The following AKR1C3 variants were observed in gnomAD, a reference collection of about 807,000 sequenced individuals.
AKR1C3 encodes the protein 3-alpha hydroxysteroid dehydrogenase, type II.
AKR1C3 carries 48 observed loss-of-function variants against 43.6 expected under a neutral mutation model. That is an observed-to-expected ratio of 1.10 (90% CI 0.87 to 1.40). The LOEUF is 1.40. Ranked by LOEUF, AKR1C3 falls within the 40% of genes most tolerant of loss-of-function variation. The pLI is 0.00. For missense variants in AKR1C3, 482 were observed against 391.2 expected (o/e 1.23, Z -1.96); for synonymous variants, 162 against 139.6 (o/e 1.16, Z -1.13).
chr10:5,074,846 A>G (rs1838678401), intron 1 of AKR1C3, among the ~76,000 whole-genome samples: 2 of 152,114 alleles, frequency 1.3e-5, no homozygotes, highest in Non-Finnish European at 2.9e-5. Flanking sequence ...CACAGACACA[A>G]ATGCATTTCC....
intron 7 of AKR1C3, 161 bp from the exon 8 acceptor site, chr10:5,105,434 G>C (rs74112027): frequency 3.8e-6 from 2 of 519,940 alleles, no homozygotes; most frequent in East Asian, 3.1e-5. Context: ...CTTATTTTTC[G>C]TGAGCTATTC....
At chr10:5,082,660 G>A (rs1322547266) in intron 1 of AKR1C3, among the ~76,000 whole-genome samples, 7 of 152,010 alleles carry the variant, frequency 4.6e-5, no homozygotes, top group African/African-American at 7.2e-5. Flanking sequence ...TGGTCATGAC[G>A]AATTATCTTT....
At chr10:5,069,371 T>C (rs1220135631) in intron 1 of AKR1C3, among the ~76,000 whole-genome samples, 21 of 152,320 alleles carry the variant, frequency 1.4e-4, no homozygotes, top group African/African-American at 4.3e-4. Context: ...GAACTCAAAT[T>C]CTATTTATGA....
At chr10:5,105,719 A>G in intron 8 of AKR1C3, 42 bp downstream of exon 8, 2 of 1,490,246 alleles carry the variant, frequency 1.3e-6, no homozygotes, top group Non-Finnish European at 1.9e-6. Flanking sequence ...TTATTTCTGG[A>G]GAAGGAATGT....
intron 3 of AKR1C3, 109 bp downstream of exon 3, chr10:5,097,659 ACAG>A: frequency 1.3e-6 from 2 of 1,585,132 alleles, no homozygotes; most frequent in Non-Finnish European, 1.7e-6. Flanking sequence ...GGATTATCAC[ACAG>A]AAGAAGAACC....
chr10:5,064,664 A>G (rs1449103794), intron 1 of AKR1C3, among the ~76,000 whole-genome samples: 3 of 152,202 alleles, frequency 2.0e-5, no homozygotes, highest in Admixed American at 2.0e-4. Flanking sequence ...AATCTACAAG[A>G]AACTTAAACA....
intron 1 of AKR1C3, among the ~76,000 whole-genome samples, chr10:5,073,651 G>A (rs1484886236): frequency 2.6e-5 from 4 of 152,202 alleles, no homozygotes; most frequent in Admixed American, 6.5e-5. Context: ...CAAGGGCAGA[G>A]CATTGACATA....
chr10:5,101,074 C>T (rs782300978), intron 5 of AKR1C3, among the ~76,000 whole-genome samples: 81 of 152,254 alleles, frequency 5.3e-4, no homozygotes, highest in Middle Eastern at 3.4e-3. Flanking sequence ...GCCCTCATGT[C>T]GTTTAACATC....
At position 5,096,317 on chromosome 10, in the gene AKR1C3, A is replaced by G. The variant is rs1460499606; in HGVS notation, c.85-93A>G. 3 of 1,460,012 alleles carry G rather than the reference A, an allele frequency of 2.1e-6. No individual in the cohort carries two copies. The African/African-American group carries it at 4.3e-5, about 21-fold the overall frequency. The allele number at this position is 1,460,012 out of a possible 1,614,324, so 90.4% of individuals were successfully genotyped here. On this transcript the variant is annotated intron_variant, in intron 1 of 8. Coordinates refer to ENST00000380554, the MANE Select transcript of AKR1C3 (RefSeq NM_003739.6). ...TTTCACCCCACATACAGACAGGAGG[A>G]AAAGCTGATTCTTGTATAAAAGTCA...
chr10:5,091,605 G>A (rs965355252), upstream of AKR1C3, among the ~76,000 whole-genome samples: 1 of 151,178 alleles, frequency 6.6e-6, no homozygotes, highest in Non-Finnish European at 1.5e-5. Context: ...TATTTTCTTT[G>A]TAGTTACTCT....
intron 1 of AKR1C3, among the ~76,000 whole-genome samples, chr10:5,051,688 G>A (rs941314018): frequency 5.9e-5 from 9 of 152,182 alleles, no homozygotes; most frequent in African/African-American, 1.2e-4. Flanking sequence ...AGGACTTTGC[G>A]TGAGTTCTAC....
chr10:5,084,684 T>C (rs1190394294), intron 1 of AKR1C3, among the ~76,000 whole-genome samples: 6 of 152,224 alleles, frequency 3.9e-5, no homozygotes, highest in South Asian at 2.1e-4. Flanking sequence ...GCCATTTTCA[T>C]GATATTGATT....
At chr10:5,072,823 T>C (rs1554781444) in intron 1 of AKR1C3, among the ~76,000 whole-genome samples, 2 of 152,198 alleles carry the variant, frequency 1.3e-5, no homozygotes, top group African/African-American at 4.8e-5. Context: ...CCAGTTATCA[T>C]TTATCTCAAG....
At chr10:5,097,702 C>G in intron 3 of AKR1C3, 152 bp downstream of exon 3, 2 of 1,479,982 alleles carry the variant, frequency 1.4e-6, no homozygotes, top group Non-Finnish European at 1.8e-6. Context: ...TCCTTTCTTT[C>G]GAGTAAATTT....
intron 1 of AKR1C3, among the ~76,000 whole-genome samples, chr10:5,060,817 C>T (rs1372209074): frequency 1.3e-5 from 2 of 152,194 alleles, no homozygotes; most frequent in Admixed American, 1.3e-4. Context: ...GCTGCAGATC[C>T]TGAGCCCTGC....
At chr10:5,105,510 AT>A (rs1386417378) in intron 7 of AKR1C3, 84 bp from the exon 8 acceptor site, 20 of 1,009,934 alleles carry the variant, frequency 2.0e-5, no homozygotes, top group Non-Finnish European at 3.0e-5. Flanking sequence ...TATTTTAAGT[AT>A]TGTCTCTGCA....
In AKR1C3 at chr10:5,102,094, A is replaced by C; in HGVS notation, c.571-7A>C. ...AATTGATGCTTCTCTCTTTTGGTCA[A>C]CTGCAGGTAGAATGTCATCCGTATT... On this transcript the variant is annotated splice_polypyrimidine_tract_variant and splice_region_variant and intron_variant, in intron 5 of 8. Transcript: ENST00000380554. 2.5e-6 allele frequency: 4 copies of C among 1,577,846 alleles called. No homozygotes were observed. Among genetic ancestry groups the C allele is most frequent in the Non-Finnish European group, 3.5e-6 (4 of 1,148,896 alleles).
chr10:5,077,852 G>T lies in AKR1C3; in HGVS notation c.85-18558G>T, dbSNP rs939242542. On this transcript the variant is annotated intron_variant, in intron 1 of 8. Transcript: ENST00000439082. The stretch of plus-strand genomic sequence containing the variant: ...AAAATAACATATAAAAACTGTTCTC[G>T]GAGTTATTTCTAAACAGAACTAAGA... The T allele has an allele frequency of 9.4e-6, 5 of 530,712 alleles. No individual in the cohort carries two copies. The East Asian group carries it at 1.7e-4, about 18-fold the overall frequency. 32.9% of individuals were successfully genotyped at this position (530,712 alleles called of 1,614,324 possible).
Position 5,074,977 on chromosome 10 carries a change from C to A in AKR1C3, c.85-21433C>A, listed in dbSNP as rs141788600. ...TGTGCTTCTCAATATCCCGCCCTTT[C>A]CCCTTTAAATTTGGAGCCCTCAAAA... On this transcript the variant is annotated intron_variant, in intron 1 of 8. Coordinates refer to the AKR1C3 transcript ENST00000439082. Among the ~76,000 whole-genome samples, 266 of 152,290 alleles carry A rather than the reference C, an allele frequency of 1.7e-3. 1 individual carries two copies. Among genetic ancestry groups the A allele is most frequent in the African/African-American group, 6.1e-3 (255 of 41,570 alleles).
Sources: gnomAD v4.1 joint callset for allele counts (sites outside exome capture counted in the v4.1 genomes callset) on GRCh38, gnomAD v4.1.1 for gene constraint, MANE v1.5 for transcripts, NCBI Gene and HGNC (gene_info 2026-07-23, HGNC 2026-07-21) for gene names.